CTNNA3: variants seen among roughly 807,000 people sequenced by gnomAD.
The protein encoded by CTNNA3 is catenin alpha 3, also known as catenin alpha-3.
In CTNNA3, 76 loss-of-function variants were observed where a neutral mutation model predicts 95.7. The observed-to-expected ratio is 0.79, with a 90% CI of 0.66 to 0.96. The LOEUF is 0.96. Ranked by LOEUF, CTNNA3 falls within the 40% of genes least tolerant of loss-of-function variation. CTNNA3 has a pLI of 0.00. For missense variants in CTNNA3, 1,191 were observed against 1,089.8 expected, an observed-to-expected ratio of 1.09 and a Z score of -1.31; for synonymous variants, 431 against 374.4, an observed-to-expected ratio of 1.15 and a Z score of -1.74.
Position 66,622,373 on chromosome 10 carries a change from C to T in CTNNA3, c.1282-589G>A, listed in dbSNP as rs545453079. 9.2e-4 allele frequency among the ~76,000 whole-genome samples: 140 copies of T among 152,244 alleles called. 2 individuals are homozygous for T. Among genetic ancestry groups the T allele is most frequent in the African/African-American group, 3.0e-3 (124 of 41,556 alleles). ...GCATTTGATTCAAGCATTAGTGACA[C>T]CCAAATTTCTCTTATATTATTGCTT... is the stretch of plus-strand genomic sequence containing the variant. On this transcript the variant is annotated intron_variant, in intron 9 of 17. Transcript: ENST00000433211.
intron 9 of CTNNA3, among the ~76,000 whole-genome samples, chr10:66,647,869 T>C (rs552738416): frequency 6.6e-6 from 1 of 151,974 alleles, no homozygotes; most frequent in Non-Finnish European, 1.5e-5. Flanking sequence ...AAGAGAAGCA[T>C]ATGCTATCAA....
At chr10:66,520,973 T>C (rs947547166) in intron 10 of CTNNA3, among the ~76,000 whole-genome samples, 200 bp from the exon 11 acceptor site, 4 of 151,200 alleles carry the variant, frequency 2.6e-5, no homozygotes, top group African/African-American at 9.7e-5. Flanking sequence ...CTCATTCATG[T>C]TAAACATAAA....
chr10:66,694,940 C>T (rs577693197), intron 9 of CTNNA3, among the ~76,000 whole-genome samples: 1 of 152,152 alleles, frequency 6.6e-6, no homozygotes, highest in Non-Finnish European at 1.5e-5. Context: ...TATTAATGTG[C>T]CCAGATTGTT....
intron 7 of CTNNA3, among the ~76,000 whole-genome samples, chr10:67,083,524 T>A (rs930640361): frequency 6.6e-6 from 1 of 152,158 alleles, no homozygotes; most frequent in Non-Finnish European, 1.5e-5. Flanking sequence ...TTTAACTACA[T>A]TTGAGTTATA....
intron 7 of CTNNA3, among the ~76,000 whole-genome samples, chr10:66,912,240 C>T (rs1466256834): frequency 1.3e-5 from 2 of 152,078 alleles, no homozygotes; most frequent in African/African-American, 2.4e-5. Flanking sequence ...CCACCAGAAC[C>T]ATACACATAT....
In CTNNA3 at chr10:66,406,748, T is replaced by C. The variant is rs1042083915; in HGVS notation, c.1532-27396A>G. Among the ~76,000 whole-genome samples, 3 of 152,118 alleles carry C rather than the reference T, an allele frequency of 2.0e-5. No individual in the cohort carries two copies. The South Asian group carries it at 6.2e-4, about 31-fold the overall frequency. ...TAGAGTTAGGATTACATCTGGACAA[T>C]TCAACTCAAGAGCTCTTGCTCTAAA... is the stretch of plus-strand genomic sequence containing the variant. On this transcript the variant is annotated intron_variant, in intron 11 of 17. Transcript: ENST00000433211.
chr10:67,751,331 C>A, intron 1 of CTNNA3: 1 of 746,938 alleles, frequency 1.3e-6, no homozygotes, highest in Non-Finnish European at 2.4e-6. Context: ...TATCTGAGAT[C>A]ACAGTGACTT....
At chr10:67,338,335 T>C (rs2620930) in intron 5 of CTNNA3, among the ~76,000 whole-genome samples, 132,319 of 151,930 alleles carry the variant, frequency 0.87, 59,249 homozygotes, top group East Asian at 1. Flanking sequence ...TCAGATCTCA[T>C]ATGAACTCAA....
At chr10:67,346,594 T>C (rs772412518) in intron 5 of CTNNA3, 7 of 300,644 alleles carry the variant, frequency 2.3e-5, no homozygotes, top group Non-Finnish European at 4.2e-5. Context: ...GCTTGGACCT[T>C]AAAGGGCACA....
chr10:66,371,257 TC>T (rs1307127139), intron 12 of CTNNA3, among the ~76,000 whole-genome samples: 5 of 152,060 alleles, frequency 3.3e-5, no homozygotes, highest in Admixed American at 1.3e-4. Context: ...GGGTAAACGT[TC>T]CCCCTTTTTG....
At chr10:66,378,619 C>G (rs2092812452) in intron 12 of CTNNA3, among the ~76,000 whole-genome samples, 1 of 152,132 alleles carries the variant, frequency 6.6e-6, no homozygotes, top group Non-Finnish European at 1.5e-5. Flanking sequence ...AAATACTAAC[C>G]TGAGTGCTGC....
At chr10:66,759,478 G>A (rs549985148) in intron 9 of CTNNA3, among the ~76,000 whole-genome samples, 22 of 152,206 alleles carry the variant, frequency 1.4e-4, no homozygotes, top group African/African-American at 3.6e-4. Context: ...ATAGATGTTC[G>A]TTTATTCAAT....
intron 7 of CTNNA3, among the ~76,000 whole-genome samples, chr10:67,034,797 A>G (rs1184536094): frequency 6.6e-6 from 1 of 152,092 alleles, no homozygotes; most frequent in Non-Finnish European, 1.5e-5. Flanking sequence ...TTGACCCCCA[A>G]CCTACCATAT....
At chr10:66,573,509 T>C (rs1255949192) in intron 10 of CTNNA3, among the ~76,000 whole-genome samples, 1 of 152,170 alleles carries the variant, frequency 6.6e-6, no homozygotes, top group Non-Finnish European at 1.5e-5. Flanking sequence ...ACAAAGTGCT[T>C]CACAAAATTT....
intron 5 of CTNNA3, among the ~76,000 whole-genome samples, chr10:67,286,218 C>T (rs989277087): frequency 5.3e-5 from 8 of 152,162 alleles, no homozygotes; most frequent in Admixed American, 2.0e-4. Context: ...GCAAATAACC[C>T]TTAGTGACTC....
intron 5 of CTNNA3, among the ~76,000 whole-genome samples, chr10:67,330,247 A>G (rs1841725059): frequency 3.3e-5 from 5 of 152,140 alleles, no homozygotes; most frequent in Admixed American, 3.3e-4. Flanking sequence ...TCTCTCCTGC[A>G]TGTTTCCCAA....
intron 12 of CTNNA3, among the ~76,000 whole-genome samples, chr10:66,293,956 T>A (rs10997040): frequency 0.23 from 34,430 of 151,874 alleles, 4,077 homozygotes; most frequent in Admixed American, 0.29. Flanking sequence ...TTAGCCACCG[T>A]GCCCGGTCAT....
At chr10:66,119,608 T>C (rs1452380982) in intron 13 of CTNNA3, among the ~76,000 whole-genome samples, 1 of 152,154 alleles carries the variant, frequency 6.6e-6, no homozygotes, top group African/African-American at 2.4e-5. Flanking sequence ...TAACTATGGA[T>C]TATTTGTATA....
chr10:67,426,887 A>T (rs2132883889), intron 5 of CTNNA3, among the ~76,000 whole-genome samples: 1 of 152,128 alleles, frequency 6.6e-6, no homozygotes, highest in East Asian at 1.9e-4. Context: ...ATAGCTAACT[A>T]CTTAGTGCAT....
Sources: allele counts gnomAD v4.1 joint callset (sites outside exome capture counted in the v4.1 genomes callset), GRCh38; gene constraint gnomAD v4.1.1; transcripts MANE v1.5; gene names NCBI Gene and HGNC (gene_info 2026-07-23, HGNC 2026-07-21).